LIN52: variants seen among roughly 807,000 people sequenced by gnomAD.
LIN52 encodes protein lin-52 homolog.
A neutral mutation model predicts 18.5 loss-of-function variants in LIN52; 4 were observed. The observed-to-expected ratio is 0.22, with a 90% CI of 0.11 to 0.49. LIN52 has a LOEUF of 0.49. Ranked by LOEUF, LIN52 falls within the 20% of genes least tolerant of loss-of-function variation. The probability of loss-of-function intolerance (pLI) is 0.97; values close to 1 mark genes in which losing one functional copy is unlikely to be tolerated. For missense variants in LIN52, 102 were observed against 139.5 expected, an observed-to-expected ratio of 0.73 and a Z score of 1.35; for synonymous variants, 34 against 45.5, an observed-to-expected ratio of 0.75 and a Z score of 1.02.
intron 5 of LIN52, among the ~76,000 whole-genome samples, chr14:74,185,603 G>A (rs527497648): frequency 8.8e-4 from 134 of 152,130 alleles, no homozygotes; most frequent in Non-Finnish European, 1.7e-3. Flanking sequence ...ATGAGCCACC[G>A]CGCCCAGCCA....
intron 5 of LIN52, among the ~76,000 whole-genome samples, chr14:74,157,457 A>ATTTT (rs141924841): frequency 8.4e-6 from 1 of 119,034 alleles, no homozygotes; most frequent in South Asian, 2.4e-4. Flanking sequence ...ATATATATAT[A>ATTTT]TATTTTTTAA....
At chr14:74,130,370 T>C (rs1483328642) in intron 5 of LIN52, among the ~76,000 whole-genome samples, 2 of 143,824 alleles carry the variant, frequency 1.4e-5, no homozygotes, top group African/African-American at 2.6e-5. Context: ...TTCTGCCTCC[T>C]GGGTTCAAGC....
intron 5 of LIN52, among the ~76,000 whole-genome samples, chr14:74,106,981 G>A (rs73305109): frequency 2.0e-3 from 312 of 152,196 alleles, no homozygotes; most frequent in African/African-American, 6.9e-3. Context: ...ATAAAATTTA[G>A]GCCCCTTAGT....
intron 5 of LIN52, among the ~76,000 whole-genome samples, chr14:74,151,743 C>T (rs532355457): frequency 1.3e-5 from 2 of 152,218 alleles, no homozygotes; most frequent in East Asian, 3.9e-4. Context: ...ACATGGCTAT[C>T]GTGCAGAACA....
At position 74,091,196 on chromosome 14, in the gene LIN52, C is replaced by A. The variant is rs76957959; in HGVS notation, c.20-36C>A. ...AAGTATCATATACATTAATGTGTTTCCTGTCTTCTTGGTTCATCTGGATGT... is the reference window on the plus strand; with the variant it reads ...AAGTATCATATACATTAATGTGTTTACTGTCTTCTTGGTTCATCTGGATGT... On this transcript the variant is annotated intron_variant, in intron 1 of 5. Transcript: ENST00000555028. The A allele has an allele frequency of 2.7e-3, 3,938 of 1,473,214 alleles. 88 individuals are homozygous for A. The African/African-American group carries it at 0.048, about 18-fold the overall frequency. 91.3% of individuals were successfully genotyped at this position (1,473,214 alleles called of 1,614,324 possible). A position where few individuals can be genotyped will look rare whatever the true frequency, so the allele number is the denominator to read the frequency against.
intron 5 of LIN52, among the ~76,000 whole-genome samples, chr14:74,164,457 A>G (rs189495910): frequency 2.0e-5 from 3 of 149,874 alleles, no homozygotes; most frequent in Admixed American, 2.0e-4. Context: ...GCTAATTTTT[A>G]TATTTTTTGG....
At chr14:74,173,520 T>C (rs1188799401) in intron 5 of LIN52, among the ~76,000 whole-genome samples, 5 of 152,240 alleles carry the variant, frequency 3.3e-5, no homozygotes, top group African/African-American at 9.6e-5. Flanking sequence ...ACATTAATCT[T>C]TCACTTTGTG....
Position 74,200,414 on chromosome 14 carries a change from G to GAAAAAAAAA in LIN52, c.*1458_*1466dup, listed in dbSNP as rs59209603. 1 of 90,320 alleles carries GAAAAAAAAA rather than the reference G, an allele frequency of 1.1e-5. No individual in the cohort carries two copies. Among genetic ancestry groups the GAAAAAAAAA allele is most frequent in the African/African-American group, 4.8e-5 (1 of 20,636 alleles). The allele number at this position is 90,320 out of a possible 1,614,324, so 5.6% of individuals were successfully genotyped here. ...GGCAACAGAGTGAGACTCTGTCTCA[G>GAAAAAAAAA]AAAAAAAAAAAAAAAAAAAAAAAAA... is the stretch of plus-strand genomic sequence containing the variant. On this transcript the variant is annotated 3_prime_UTR_variant, in exon 6 of 6. Transcript: ENST00000555028.
At position 74,094,776 on chromosome 14, in the gene LIN52, G is replaced by T. The variant is rs143560528; in HGVS notation, c.95-1172G>T. On this transcript the variant is annotated intron_variant, in intron 2 of 5. Transcript: ENST00000555028. Reference sequence around the variant, plus strand: ...GGAGTCTCGCTCTGTTGCCCAGGTTGGAGTGCAATGGCGTGATCTCAGCTC... The same window carrying T: ...GGAGTCTCGCTCTGTTGCCCAGGTTTGAGTGCAATGGCGTGATCTCAGCTC... Among the ~76,000 whole-genome samples the T allele has an allele frequency of 6.9e-3, 1,047 of 150,776 alleles. 15 individuals are homozygous for T. The highest frequency in any genetic ancestry group is 0.025 in the African/African-American group (1,008 of 40,918).
Position 74,098,550 on chromosome 14 carries a change from G to T in LIN52, c.199+690G>T, listed in dbSNP as rs1195000544. On this transcript the variant is annotated intron_variant, in intron 4 of 5. Transcript: ENST00000555028. Reference sequence around the variant, plus strand: ...AAAAAGTTAAAAAATTTTAACTCTGGTTTTTTTTTTTTTTCAGACGGAGTC... The same window carrying T: ...AAAAAGTTAAAAAATTTTAACTCTGTTTTTTTTTTTTTTTCAGACGGAGTC... Among the ~76,000 whole-genome samples, 86 of 140,408 alleles carry T rather than the reference G, an allele frequency of 6.1e-4. 1 individual carries two copies. The East Asian group carries it at 0.012, about 19-fold the overall frequency. The allele number at this position is 140,408 out of a possible 152,430, so 92.1% of individuals were successfully genotyped here.
At chr14:74,198,868 T>C in intron 5 of LIN52, 54 bp from the exon 6 acceptor site, 1 of 1,286,140 alleles carries the variant, frequency 7.8e-7, no homozygotes. Context: ...TTCCTATGAT[T>C]CTTTTTTCCG....
intron 5 of LIN52, among the ~76,000 whole-genome samples, chr14:74,124,017 G>A (rs1262117148): frequency 6.6e-6 from 1 of 152,130 alleles, no homozygotes; most frequent in African/African-American, 2.4e-5. Context: ...AAAATGCTTA[G>A]TATGAGTCTT....
At chr14:74,147,912 G>T (rs930447300) in intron 5 of LIN52, among the ~76,000 whole-genome samples, 1 of 152,142 alleles carries the variant, frequency 6.6e-6, no homozygotes, top group African/African-American at 2.4e-5. Context: ...CACACTTAAT[G>T]CCACACTAAA....
intron 5 of LIN52, among the ~76,000 whole-genome samples, chr14:74,149,558 G>GAAATC (rs1168007959): frequency 6.6e-6 from 1 of 152,052 alleles, no homozygotes; most frequent in African/African-American, 2.4e-5. Flanking sequence ...TTGGGGAGGG[G>GAAATC]TTGCCATTAT....
chr14:74,120,715 A>G (rs894113819), intron 5 of LIN52, among the ~76,000 whole-genome samples: 2 of 150,284 alleles, frequency 1.3e-5, no homozygotes, highest in African/African-American at 4.9e-5. Context: ...AGATCGTGCC[A>G]TTGCACTCCA....
intron 5 of LIN52, among the ~76,000 whole-genome samples, chr14:74,194,602 ACT>A (rs1214281584): frequency 5.9e-5 from 9 of 151,974 alleles, no homozygotes; most frequent in Non-Finnish European, 1.5e-5. Flanking sequence ...CCCTCTCCAC[ACT>A]CTGCAGCATT....
At chr14:74,188,726 G>A (rs1455646524) in intron 5 of LIN52, among the ~76,000 whole-genome samples, 1 of 152,142 alleles carries the variant, frequency 6.6e-6, no homozygotes, top group Non-Finnish European at 1.5e-5. Flanking sequence ...TATTCGAATA[G>A]ACAGGAGTGA....
In LIN52 at chr14:74,199,754, G is replaced by T. The variant is rs1595197252; in HGVS notation, c.*777G>T. ...TCTAATTAATCTGTTACAGCTTCAA[G>T]CAAGAAAGTCAGTATAGCCTGAAAG... On this transcript the variant is annotated 3_prime_UTR_variant, in exon 6 of 6. Coordinates refer to ENST00000555028, the MANE Select transcript of LIN52 (RefSeq NM_001024674.3). The T allele has an allele frequency of 6.6e-6, 1 of 152,166 alleles. No homozygotes were observed. Among genetic ancestry groups the T allele is most frequent in the African/African-American group, 2.4e-5 (1 of 41,434 alleles). 9.4% of individuals were successfully genotyped at this position (152,166 alleles called of 1,614,324 possible). A position where few individuals can be genotyped will look rare whatever the true frequency, so the allele number is the denominator to read the frequency against.
At chr14:74,104,116 C>T (rs1181961884) in intron 5 of LIN52, among the ~76,000 whole-genome samples, 2 of 151,978 alleles carry the variant, frequency 1.3e-5, no homozygotes, top group African/African-American at 4.8e-5. Flanking sequence ...CCAGAATGGT[C>T]TCAATCTCCT....
Sources: allele counts gnomAD v4.1 joint callset (sites outside exome capture counted in the v4.1 genomes callset), GRCh38; gene constraint gnomAD v4.1.1; transcripts MANE v1.5; gene names NCBI Gene and HGNC (gene_info 2026-07-23, HGNC 2026-07-21).